ZDHHC14: variants seen among roughly 807,000 people sequenced by gnomAD.
The protein encoded by ZDHHC14 is palmitoyltransferase ZDHHC14.
A neutral mutation model predicts 47.7 loss-of-function variants in ZDHHC14; 16 were observed. The observed-to-expected ratio is 0.34, with a 90% CI of 0.23 to 0.51. The LOEUF is 0.51. Among genes scored for constraint, ZDHHC14 ranks in the 20% least tolerant of loss-of-function variants. The pLI is 0.97. For missense variants in ZDHHC14, 515 were observed against 662.5 expected (o/e 0.78, Z 2.44); for synonymous variants, 293 against 278.9 (o/e 1.05, Z -0.50).
rs182521907 is a variant in ZDHHC14, at chr6:157,676,171, G to A, written c.*3049G>A. ...CCGGGAGGGCCCCAGGAAGCAGGGGGATGCTGCAGGAAGGTGGCAGACAGA... is the reference window on the plus strand; with the variant it reads ...CCGGGAGGGCCCCAGGAAGCAGGGGAATGCTGCAGGAAGGTGGCAGACAGA... On this transcript the variant is annotated 3_prime_UTR_variant, in exon 9 of 9. Coordinates refer to ENST00000359775, the MANE Select transcript of ZDHHC14 (RefSeq NM_024630.3). 2.0e-5 allele frequency: 3 copies of A among 152,296 alleles called. No individual in the cohort carries two copies. The highest frequency in any genetic ancestry group is 1.9e-4 in the East Asian group (1 of 5,200). 9.4% of individuals were successfully genotyped at this position (152,296 alleles called of 1,614,324 possible).
chr6:157,584,125 G>A (rs374360421), intron 2 of ZDHHC14, among the ~76,000 whole-genome samples: 1 of 152,030 alleles, frequency 6.6e-6, no homozygotes, highest in Non-Finnish European at 1.5e-5. Context: ...GGCAGTGGCC[G>A]AGGAGATCTC....
chr6:157,457,701 G>A (rs1321751958), intron 1 of ZDHHC14, among the ~76,000 whole-genome samples: 1 of 152,138 alleles, frequency 6.6e-6, no homozygotes, highest in Non-Finnish European at 1.5e-5. Flanking sequence ...TGGCATCGGG[G>A]GTCTCTTTGG....
chr6:157,392,353 A>G (rs961498560), intron 1 of ZDHHC14, among the ~76,000 whole-genome samples: 1 of 152,116 alleles, frequency 6.6e-6, no homozygotes, highest in Non-Finnish European at 1.5e-5. Flanking sequence ...ATTTTAAAAG[A>G]AAGTTAATTT....
At chr6:157,429,735 C>T (rs1356564374) in intron 1 of ZDHHC14, among the ~76,000 whole-genome samples, 4 of 152,174 alleles carry the variant, frequency 2.6e-5, no homozygotes, top group Non-Finnish European at 5.9e-5. Context: ...TATTTCATCT[C>T]TCAATATCAT....
At chr6:157,626,111 A>G (rs1051346520) in intron 3 of ZDHHC14, among the ~76,000 whole-genome samples, 4 of 152,216 alleles carry the variant, frequency 2.6e-5, no homozygotes, top group African/African-American at 9.6e-5. Flanking sequence ...GTGTGCTGCA[A>G]GACCTTCATG....
chr6:157,634,553 A>G (rs2114962708), intron 5 of ZDHHC14, among the ~76,000 whole-genome samples: 1 of 152,376 alleles, frequency 6.6e-6, no homozygotes, highest in South Asian at 2.1e-4. Flanking sequence ...TTCCTAAAGA[A>G]AAGGCTTGCC....
chr6:157,630,785 ATACCCT>A (rs1466071162), intron 4 of ZDHHC14: 1 of 150,374 alleles, frequency 6.7e-6, no homozygotes, highest in Non-Finnish European at 1.5e-5. Context: ...ACCCACACAC[ATACCCT>A]TACACAGCCA....
At chr6:157,418,713 C>T (rs1583628276) in intron 1 of ZDHHC14, among the ~76,000 whole-genome samples, 1 of 152,190 alleles carries the variant, frequency 6.6e-6, no homozygotes, top group African/African-American at 2.4e-5. Flanking sequence ...ACCCATTCCC[C>T]ATCTCTCAGC....
At chr6:157,592,813 C>T (rs1201536847) in intron 2 of ZDHHC14, 175 bp from the exon 3 acceptor site, 14 of 1,423,046 alleles carry the variant, frequency 9.8e-6, no homozygotes, top group African/African-American at 2.9e-5. Context: ...CGAAGGAGGC[C>T]GGGGTCCCAG....
chr6:157,632,940 C>T (rs138299411), intron 5 of ZDHHC14, 58 bp downstream of exon 5: 10 of 1,562,562 alleles, frequency 6.4e-6, no homozygotes, highest in Non-Finnish European at 7.9e-6. Context: ...TCTGGCTGAC[C>T]TTCTGTGCGC....
chr6:157,609,008 G>T (rs1026798755), intron 3 of ZDHHC14, among the ~76,000 whole-genome samples: 1 of 152,180 alleles, frequency 6.6e-6, no homozygotes, highest in African/African-American at 2.4e-5. Flanking sequence ...TGACCCCTCT[G>T]GTTCCTGAGA....
intron 3 of ZDHHC14, among the ~76,000 whole-genome samples, chr6:157,621,854 C>G (rs568732355): frequency 2.0e-5 from 3 of 152,078 alleles, no homozygotes; most frequent in Non-Finnish European, 4.4e-5. Context: ...TTTTAAGGCC[C>G]CTTTTTCATA....
intron 1 of ZDHHC14, among the ~76,000 whole-genome samples, chr6:157,492,130 G>T (rs1178684641): frequency 1.3e-5 from 2 of 151,866 alleles, no homozygotes; most frequent in African/African-American, 2.4e-5. Flanking sequence ...CCCTCTCACC[G>T]GGGAGGAAAC....
At chr6:157,482,408 C>T (rs1294905116) in intron 1 of ZDHHC14, among the ~76,000 whole-genome samples, 1 of 151,668 alleles carries the variant, frequency 6.6e-6, no homozygotes, top group Non-Finnish European at 1.5e-5. Flanking sequence ...CACGTGCCAT[C>T]ATCCTTGGCT....
intron 5 of ZDHHC14, among the ~76,000 whole-genome samples, chr6:157,642,156 C>T (rs1462418855): frequency 6.6e-6 from 1 of 152,196 alleles, no homozygotes; most frequent in Non-Finnish European, 1.5e-5. Context: ...GCAAGGACAT[C>T]ATCTCCCTGG....
chr6:157,523,825 C>T (rs1348970575), intron 1 of ZDHHC14, among the ~76,000 whole-genome samples: 5 of 151,990 alleles, frequency 3.3e-5, no homozygotes, highest in African/African-American at 1.2e-4. Flanking sequence ...TGCTTGAGCG[C>T]AAGAAATGGG....
Position 157,579,785 on chromosome 6 carries a change from G to A in ZDHHC14, c.407-13203G>A, listed in dbSNP as rs568794502. Among the ~76,000 whole-genome samples, 15 of 152,246 alleles carry A rather than the reference G, an allele frequency of 9.9e-5. No individual in the cohort carries two copies. In the South Asian group the frequency reaches 2.9e-3, roughly 29 times the overall value. ...TTGTTTATCAGATCAAGGAGCTTTT[G>A]GGCAGAGACTCTGGGGTTTTCCAGA... is the stretch of plus-strand genomic sequence containing the variant. On this transcript the variant is annotated intron_variant, in intron 2 of 8. Coordinates refer to ENST00000359775, the MANE Select transcript of ZDHHC14 (RefSeq NM_024630.3).
intron 8 of ZDHHC14, among the ~76,000 whole-genome samples, chr6:157,663,421 G>T (rs547800696): frequency 7.9e-5 from 12 of 152,386 alleles, no homozygotes; most frequent in Non-Finnish European, 1.5e-4. Flanking sequence ...ATGCTGGACA[G>T]AGGACTTCAG....
At chr6:157,410,948 T>C (rs1777860126) in intron 1 of ZDHHC14, among the ~76,000 whole-genome samples, 1 of 152,098 alleles carries the variant, frequency 6.6e-6, no homozygotes, top group South Asian at 2.1e-4. Context: ...GCCCGCTTCA[T>C]CCTCCTAAAG....
Sources: gnomAD v4.1 joint callset for allele counts (sites outside exome capture counted in the v4.1 genomes callset) on GRCh38, gnomAD v4.1.1 for gene constraint, MANE v1.5 for transcripts, NCBI Gene and HGNC (gene_info 2026-07-23, HGNC 2026-07-21) for gene names.